The following KIAA1217 variants were observed in gnomAD, a reference collection of about 807,000 sequenced individuals.
KIAA1217 encodes the protein KIAA1217, also known as sickle tail protein homolog.
In KIAA1217, 88 loss-of-function variants were observed where a neutral mutation model predicts 163.9. The observed-to-expected ratio is 0.54, with a 90% confidence interval of 0.45 to 0.64. KIAA1217 has a LOEUF of 0.64. Among genes scored for constraint, KIAA1217 ranks in the 30% least tolerant of loss-of-function variants. The pLI is 0.00. For missense variants in KIAA1217, 2,372 were observed against 2,475.0 expected (o/e 0.96, Z 0.88); for synonymous variants, 903 against 923.1 (o/e 0.98, Z 0.39).
intron 1 of KIAA1217, among the ~76,000 whole-genome samples, chr10:23,834,218 G>C (rs1838343592): frequency 6.6e-6 from 1 of 152,110 alleles, no homozygotes; most frequent in Middle Eastern, 3.2e-3. Context: ...TTCAGAACCA[G>C]ATCTTATTAT....
intron 2 of KIAA1217, among the ~76,000 whole-genome samples, chr10:24,046,236 G>C (rs1849016317): frequency 6.6e-6 from 1 of 152,062 alleles, no homozygotes; most frequent in Non-Finnish European, 1.5e-5. Context: ...TGATGATGAT[G>C]ATGACGATGA....
chr10:24,240,384 G>C (rs2072924442), intron 2 of KIAA1217, among the ~76,000 whole-genome samples: 1 of 152,244 alleles, frequency 6.6e-6, no homozygotes, highest in Admixed American at 6.5e-5. Flanking sequence ...TTAGGAATAA[G>C]TGGATAGGCT....
At chr10:24,023,870 A>T (rs1847837346) in intron 2 of KIAA1217, among the ~76,000 whole-genome samples, 1 of 151,694 alleles carries the variant, frequency 6.6e-6, no homozygotes, top group Non-Finnish European at 1.5e-5. Context: ...TAAAAAGTTC[A>T]TTCCATGCGA....
At chr10:24,246,259 A>G (rs988209173) in intron 2 of KIAA1217, among the ~76,000 whole-genome samples, 4 of 152,160 alleles carry the variant, frequency 2.6e-5, no homozygotes, top group African/African-American at 9.7e-5. Flanking sequence ...CTTCAAAGCA[A>G]TTATAAAGTG....
intron 1 of KIAA1217, among the ~76,000 whole-genome samples, chr10:23,740,883 G>A (rs1044214653): frequency 3.9e-5 from 6 of 152,066 alleles, no homozygotes; most frequent in East Asian, 3.9e-4. Flanking sequence ...AGCCAAGATC[G>A]TGCCATTGCA....
chr10:24,501,353 A>G (rs186637362), intron 8 of KIAA1217, 26 bp from the exon 9 acceptor site: 1 of 1,591,566 alleles, frequency 6.3e-7, no homozygotes. Context: ...TGGCCTTCTG[A>G]GTTCTCTGAT....
intron 3 of KIAA1217, among the ~76,000 whole-genome samples, chr10:24,388,312 C>T (rs1291397136): frequency 2.0e-5 from 3 of 152,134 alleles, no homozygotes; most frequent in Admixed American, 2.0e-4. Flanking sequence ...GGAAAGGATT[C>T]CCTATTTATT....
intron 3 of KIAA1217, among the ~76,000 whole-genome samples, chr10:24,402,948 G>GA (rs1241987304): frequency 6.6e-6 from 1 of 151,876 alleles, no homozygotes; most frequent in Non-Finnish European, 1.5e-5. Context: ...CTGGCCAAGT[G>GA]AAAAAGCAAT....
chr10:24,248,472 A>C (rs960634848), intron 2 of KIAA1217, among the ~76,000 whole-genome samples: 2 of 152,006 alleles, frequency 1.3e-5, no homozygotes, highest in African/African-American at 4.8e-5. Flanking sequence ...GGAGTTCAAG[A>C]CCAGCCTGGC....
At chr10:23,729,392 T>G (rs570407452) in intron 1 of KIAA1217, among the ~76,000 whole-genome samples, 107 of 152,350 alleles carry the variant, frequency 7.0e-4, no homozygotes, top group African/African-American at 2.5e-3. Context: ...CCAAAATGAC[T>G]ACACCATTTT....
chr10:24,334,677 C>T (rs554229844), intron 2 of KIAA1217, among the ~76,000 whole-genome samples: 1 of 152,124 alleles, frequency 6.6e-6, no homozygotes, highest in Non-Finnish European at 1.5e-5. Context: ...TGTGAATGAA[C>T]CATGTCTACC....
At chr10:23,906,624 A>T (rs1318189736) in intron 1 of KIAA1217, among the ~76,000 whole-genome samples, 1 of 152,146 alleles carries the variant, frequency 6.6e-6, no homozygotes, top group Non-Finnish European at 1.5e-5. Context: ...AGAAAGTTGA[A>T]TGTCTCCAAG....
chr10:23,751,344 C>A (rs772894101), intron 1 of KIAA1217, among the ~76,000 whole-genome samples: 2 of 152,082 alleles, frequency 1.3e-5, no homozygotes, highest in Non-Finnish European at 2.9e-5. Context: ...TTCTACAATA[C>A]CATGTGAGGT....
rs547443893 is a variant in KIAA1217, at chr10:24,511,726, A to G, written c.2002-1533A>G. ...TGGCTTTTAATACCACAATAAAAAG[A>G]CATTAGCAAAAGTGGTGTGAGAGCA... is the stretch of plus-strand genomic sequence containing the variant. On this transcript the variant is annotated intron_variant, in intron 9 of 20. Transcript: ENST00000376454. 2.0e-4 allele frequency among the ~76,000 whole-genome samples: 30 copies of G among 152,320 alleles called. 1 individual carries two copies. In the South Asian group the frequency reaches 6.2e-3, roughly 32 times the overall value.
At chr10:24,236,833 G>A (rs867016867) in intron 2 of KIAA1217, among the ~76,000 whole-genome samples, 2 of 151,746 alleles carry the variant, frequency 1.3e-5, no homozygotes, top group South Asian at 2.1e-4. Context: ...TGCACTGTTT[G>A]TAGAGACGGG....
intron 2 of KIAA1217, among the ~76,000 whole-genome samples, chr10:24,368,309 C>T (rs1353423956): frequency 6.6e-6 from 1 of 152,116 alleles, no homozygotes; most frequent in Non-Finnish European, 1.5e-5. Flanking sequence ...CTGCCATTAA[C>T]CTTTATTCCT....
intron 1 of KIAA1217, among the ~76,000 whole-genome samples, chr10:23,832,842 T>A (rs75533670): frequency 0.025 from 3,739 of 152,234 alleles, 63 homozygotes; most frequent in South Asian, 0.097. Flanking sequence ...TCCATGTGGC[T>A]GGGAAGGCCT....
intron 2 of KIAA1217, among the ~76,000 whole-genome samples, chr10:24,094,164 C>T (rs2062053949): frequency 6.6e-6 from 1 of 152,042 alleles, no homozygotes; most frequent in Non-Finnish European, 1.5e-5. Flanking sequence ...CGGTATATAC[C>T]TAGTAATGGG....
intron 9 of KIAA1217, among the ~76,000 whole-genome samples, 181 bp downstream of exon 9, chr10:24,501,726 C>CTTTT (rs1554909743): frequency 3.6e-5 from 4 of 111,526 alleles, no homozygotes; most frequent in Admixed American, 1.0e-4. Context: ...TCTATAACCA[C>CTTTT]TTCTTTTTTT....
Sources: allele counts gnomAD v4.1 joint callset (sites outside exome capture counted in the v4.1 genomes callset), GRCh38; gene constraint gnomAD v4.1.1; transcripts MANE v1.5; gene names NCBI Gene and HGNC (gene_info 2026-07-23, HGNC 2026-07-21).